FGGY: variants seen among roughly 807,000 people sequenced by gnomAD.
The protein encoded by FGGY is FGGY carbohydrate kinase domain containing.
A neutral mutation model predicts 71.3 loss-of-function variants in FGGY; 72 were observed. That is an observed-to-expected ratio of 1.01 (90% CI 0.84 to 1.23). The LOEUF (loss-of-function observed/expected upper bound fraction) is 1.23. FGGY is among the 50% of genes most tolerant of loss of function. The pLI is 0.00. For missense variants in FGGY, 668 were observed against 682.3 expected (o/e 0.98, Z 0.23); for synonymous variants, 251 against 250.3 (o/e 1.00, Z -0.02).
intron 10 of FGGY, among the ~76,000 whole-genome samples, chr1:59,633,857 AAGAC>A (rs1266316622): frequency 2.0e-5 from 3 of 152,186 alleles, no homozygotes; most frequent in Non-Finnish European, 1.5e-5. Flanking sequence ...AAAATGGTGA[AAGAC>A]AGTAGATCTC....
chr1:59,707,739 T>A, intron 14 of FGGY, among the ~76,000 whole-genome samples: 1 of 152,108 alleles, frequency 6.6e-6, no homozygotes, highest in East Asian at 1.9e-4. Flanking sequence ...TGAAGCCCCC[T>A]TGGATGTGAA....
At chr1:59,474,918 A>G (rs2093184390) in intron 6 of FGGY, among the ~76,000 whole-genome samples, 1 of 151,798 alleles carries the variant, frequency 6.6e-6, no homozygotes, top group Admixed American at 6.5e-5. Flanking sequence ...CTCAATTAGT[A>G]TATTATGAAG....
rs534981955 is a variant in FGGY, at chr1:59,516,613, A to G, written c.799+4174A>G. ...TGAGAGACAACAGAATGCAGGATTC[A>G]CTACTTTGTGATTCTGTATAGGTTG... On this transcript the variant is annotated intron_variant, in intron 7 of 15. Transcript: ENST00000303721. Among the ~76,000 whole-genome samples the G allele has an allele frequency of 5.3e-5, 8 of 152,348 alleles. No individual in the cohort carries two copies. The South Asian group carries it at 1.4e-3, about 28-fold the overall frequency.
At chr1:59,301,770 G>C (rs2042781772) in intron 1 of FGGY, among the ~76,000 whole-genome samples, 1 of 126,546 alleles carries the variant, frequency 7.9e-6, no homozygotes, top group Admixed American at 9.7e-5. Flanking sequence ...CTGGAGTGAA[G>C]TGGCGTGATC....
rs2196936 is a variant in FGGY, at chr1:59,579,731, T to C, written c.903+25504T>C. On this transcript the variant is annotated intron_variant, in intron 8 of 15. Transcript: ENST00000303721. ...AGTCTCCTGACTGTCTCCCTGTTTT[T>C]ACCACTGGGCCCTGGATTCTGTTCT... Among the ~76,000 whole-genome samples the C allele has an allele frequency of 7.0e-3, 1,060 of 152,312 alleles. 17 individuals are homozygous for C. Among genetic ancestry groups the C allele is most frequent in the African/African-American group, 0.023 (976 of 41,550 alleles).
chr1:59,651,175 G>A (rs2097155763), intron 11 of FGGY, among the ~76,000 whole-genome samples: 1 of 152,012 alleles, frequency 6.6e-6, no homozygotes, highest in South Asian at 2.1e-4. Flanking sequence ...TTCCAACTAT[G>A]TGGTCAATTT....
intron 14 of FGGY, among the ~76,000 whole-genome samples, chr1:59,717,341 G>A (rs1431704061): frequency 6.6e-6 from 1 of 151,884 alleles, no homozygotes; most frequent in African/African-American, 2.4e-5. Flanking sequence ...ATTCCCCATG[G>A]ACTCAGATGG....
At chr1:59,583,964 T>G (rs537012071) in intron 8 of FGGY, among the ~76,000 whole-genome samples, 4 of 115,626 alleles carry the variant, frequency 3.5e-5, no homozygotes, top group African/African-American at 1.0e-4. Flanking sequence ...TGTGTTGGCT[T>G]TTGTTCCTGG....
At chr1:59,480,499 C>A (rs1199440015) in intron 6 of FGGY, among the ~76,000 whole-genome samples, 1 of 152,154 alleles carries the variant, frequency 6.6e-6, no homozygotes, top group Non-Finnish European at 1.5e-5. Flanking sequence ...ATGTCAATGG[C>A]CAGAACCGTA....
rs116736774 is a variant in FGGY at position 59,629,336 on chromosome 1, A to C, written c.1073+3287A>C. Among the ~76,000 whole-genome samples the C allele has an allele frequency of 7.6e-3, 1,153 of 152,342 alleles. 17 individuals are homozygous for C. Among genetic ancestry groups the C allele is most frequent in the African/African-American group, 0.026 (1,100 of 41,584 alleles). On this transcript the variant is annotated intron_variant, in intron 10 of 15. Transcript: ENST00000303721. ...ACACCTACACAGAGCAGAATAAATGAATACTGTAGTAAAATATACGTAGTG... is the reference window on the plus strand; with the variant it reads ...ACACCTACACAGAGCAGAATAAATGCATACTGTAGTAAAATATACGTAGTG...
chr1:59,668,185 G>T (rs998387980), intron 13 of FGGY, among the ~76,000 whole-genome samples: 10 of 152,180 alleles, frequency 6.6e-5, no homozygotes, highest in African/African-American at 2.2e-4. Flanking sequence ...CAAGGAAGGG[G>T]CCCCATTGGC....
intron 9 of FGGY, among the ~76,000 whole-genome samples, chr1:59,611,741 A>C (rs2096682701): frequency 6.6e-6 from 1 of 152,206 alleles, no homozygotes; most frequent in Admixed American, 6.5e-5. Flanking sequence ...AAAGAAGTTA[A>C]AAACCTTGAA....
At chr1:59,339,188 A>G (rs2050174250) in intron 2 of FGGY, among the ~76,000 whole-genome samples, 1 of 152,186 alleles carries the variant, frequency 6.6e-6, no homozygotes, top group Admixed American at 6.5e-5. Flanking sequence ...TTTCATCCTC[A>G]AGATATCTCA....
At chr1:59,372,563 G>A (rs543898689) in intron 4 of FGGY, among the ~76,000 whole-genome samples, 1 of 152,212 alleles carries the variant, frequency 6.6e-6, no homozygotes, top group Non-Finnish European at 1.5e-5. Flanking sequence ...ATTTTATGAG[G>A]CCAGTATCAT....
At chr1:59,408,901 C>A (rs575371806) in intron 5 of FGGY, among the ~76,000 whole-genome samples, 1 of 152,310 alleles carries the variant, frequency 6.6e-6, no homozygotes, top group South Asian at 2.1e-4. Flanking sequence ...ACAGAGCTTT[C>A]TTGGGTTCGC....
chr1:59,617,264 G>GA (rs571984103), intron 9 of FGGY, among the ~76,000 whole-genome samples: 1,988 of 151,054 alleles, frequency 0.013, 40 homozygotes, highest in African/African-American at 0.045. Flanking sequence ...AGAAACAATA[G>GA]AAAAAAAGAG....
At chr1:59,582,403 A>C (rs1314186110) in intron 8 of FGGY, among the ~76,000 whole-genome samples, 2 of 149,882 alleles carry the variant, frequency 1.3e-5, no homozygotes, top group Non-Finnish European at 2.9e-5. Flanking sequence ...ATTACTTTTA[A>C]ATCCTTAGCA....
chr1:59,313,528 C>G (rs1303993173), intron 1 of FGGY, among the ~76,000 whole-genome samples: 1 of 152,004 alleles, frequency 6.6e-6, no homozygotes, highest in East Asian at 1.9e-4. Context: ...CCTAAATGCC[C>G]ATCAATCAAT....
Position 59,321,638 on chromosome 1 carries a change from G to A in FGGY, c.89G>A (p.Ser30Asn). The change falls in exon 2 of 16, where the codon AGT becomes AAT. Residue 30 changes from serine to asparagine, a missense_variant. Physicochemically the swap from Ser to Asn is conservative, Grantham distance 46. This residue lies in a region of FGGY where 661 missense variants were observed against 661.6 expected (regional missense o/e 1.00). Coordinates refer to ENST00000303721, the MANE Select transcript of FGGY (RefSeq NM_018291.5). ...GSVRAALVDQ[S>N]GVLLAFADQP... Reference sequence around the variant, plus strand: ...GTCCGTGCAGCTCTGGTGGACCAGAGTGGGGTCCTGTTGGCTTTTGCAGAC... The same window carrying A: ...GTCCGTGCAGCTCTGGTGGACCAGAATGGGGTCCTGTTGGCTTTTGCAGAC... 3 of 1,613,802 alleles carry A rather than the reference G, an allele frequency of 1.9e-6. No homozygotes were observed. Among genetic ancestry groups the A allele is most frequent in the Non-Finnish European group, 2.5e-6 (3 of 1,179,816 alleles).
Sources: allele counts gnomAD v4.1 joint callset (sites outside exome capture counted in the v4.1 genomes callset), GRCh38; gene constraint gnomAD v4.1.1; regional missense constraint gnomAD v4.1.1; transcripts MANE v1.5; gene names NCBI Gene and HGNC (gene_info 2026-07-23, HGNC 2026-07-21).